NRG3: variants seen among roughly 807,000 people sequenced by gnomAD.
NRG3 encodes the protein pro-neuregulin-3, membrane-bound isoform.
NRG3 carries 31 observed loss-of-function variants against 66.9 expected under a neutral mutation model. That is an observed-to-expected ratio of 0.46 (90% CI 0.35 to 0.63). The LOEUF (loss-of-function observed/expected upper bound fraction) is 0.63. NRG3 is among the 20% of genes least tolerant of loss of function. The probability of loss-of-function intolerance (pLI) is 0.00; values close to 1 mark genes in which losing one functional copy is unlikely to be tolerated. For synonymous variants in NRG3, 393 were observed against 359.4 expected (o/e 1.09, Z -1.06); for missense variants, 910 against 878.9 (o/e 1.04, Z -0.45).
Position 81,975,840 on chromosome 10 carries a change from A to G in NRG3, c.823+99677A>G, listed in dbSNP as rs1339597066. 2.6e-5 allele frequency among the ~76,000 whole-genome samples: 4 copies of G among 152,160 alleles called. No individual in the cohort carries two copies. In the East Asian group the frequency reaches 5.8e-4, roughly 22 times the overall value. ...ATCTTGCATTATCCAAGTGCTCCCA[A>G]TATAATCACAAGGGTCTTTTAAATG... is the stretch of plus-strand genomic sequence containing the variant. On this transcript the variant is annotated intron_variant, in intron 1 of 8. Transcript: ENST00000372141.
At chr10:82,152,303 G>A (rs2070813293) in intron 1 of NRG3, among the ~76,000 whole-genome samples, 1 of 152,172 alleles carries the variant, frequency 6.6e-6, no homozygotes, top group Admixed American at 6.6e-5. Context: ...TGTAAGTTAG[G>A]ATCTGCTTTG....
chr10:82,437,619 G>C (rs2090211225), intron 2 of NRG3, among the ~76,000 whole-genome samples: 1 of 151,960 alleles, frequency 6.6e-6, no homozygotes, highest in Non-Finnish European at 1.5e-5. Flanking sequence ...GAGACACTTT[G>C]GCCTTTTGGG....
chr10:81,904,700 A>G (rs1004128341), intron 1 of NRG3, among the ~76,000 whole-genome samples: 5 of 152,044 alleles, frequency 3.3e-5, no homozygotes, highest in African/African-American at 7.2e-5. Context: ...TTTTGTTTCT[A>G]TGGCAGGGTT....
chr10:82,085,593 A>G (rs746887621), intron 1 of NRG3, among the ~76,000 whole-genome samples: 3 of 152,028 alleles, frequency 2.0e-5, no homozygotes, highest in Non-Finnish European at 2.9e-5. Flanking sequence ...CCCTTCTTTG[A>G]AAACCAGCCT....
chr10:81,923,042 G>A (rs905625462), intron 1 of NRG3, among the ~76,000 whole-genome samples: 12 of 152,276 alleles, frequency 7.9e-5, no homozygotes, highest in African/African-American at 2.9e-4. Flanking sequence ...AATGCCTCTA[G>A]TAATTTTGGT....
chr10:82,674,294 A>T (rs893562952), intron 2 of NRG3, among the ~76,000 whole-genome samples: 1 of 152,172 alleles, frequency 6.6e-6, no homozygotes. Flanking sequence ...GCATGTTACT[A>T]CATAAACTTT....
At chr10:81,958,638 C>T (rs1346565179) in intron 1 of NRG3, among the ~76,000 whole-genome samples, 1 of 152,180 alleles carries the variant, frequency 6.6e-6, no homozygotes, top group Non-Finnish European at 1.5e-5. Flanking sequence ...CATGGTGGCT[C>T]ATGCCTGTAA....
intron 1 of NRG3, among the ~76,000 whole-genome samples, chr10:82,079,513 G>T (rs540416689): frequency 3.3e-5 from 5 of 152,036 alleles, no homozygotes; most frequent in Admixed American, 6.5e-5. Flanking sequence ...TGACATTAGG[G>T]TTCACTCTAG....
intron 1 of NRG3, among the ~76,000 whole-genome samples, chr10:81,957,883 T>C (rs1313109981): frequency 2.6e-5 from 4 of 152,230 alleles, no homozygotes; most frequent in Non-Finnish European, 5.9e-5. Context: ...TAAATTAATA[T>C]TTGTTCTTAT....
At chr10:82,590,538 G>A (rs532721384) in intron 2 of NRG3, among the ~76,000 whole-genome samples, 4 of 152,066 alleles carry the variant, frequency 2.6e-5, no homozygotes, top group East Asian at 1.9e-4. Flanking sequence ...CTTCTACCAC[G>A]GGCTTGTTAG....
chr10:82,905,101 G>A (rs1372305949), intron 4 of NRG3, among the ~76,000 whole-genome samples: 2 of 152,162 alleles, frequency 1.3e-5, no homozygotes, highest in Non-Finnish European at 2.9e-5. Context: ...TTTTAAAAAG[G>A]AAGTTTGGTT....
chr10:82,829,042 T>G (rs1466798394), intron 3 of NRG3, among the ~76,000 whole-genome samples: 1 of 152,186 alleles, frequency 6.6e-6, no homozygotes, highest in Non-Finnish European at 1.5e-5. Flanking sequence ...GTTTGTTTGT[T>G]TGACAGCCTG....
intron 2 of NRG3, among the ~76,000 whole-genome samples, chr10:82,669,358 C>T (rs1272759399): frequency 6.6e-6 from 1 of 151,616 alleles, no homozygotes. Context: ...TGCTTTGGGG[C>T]AATGCGCAGT....
chr10:82,825,959 G>T (rs562129911), intron 3 of NRG3, among the ~76,000 whole-genome samples: 69 of 152,250 alleles, frequency 4.5e-4, no homozygotes, highest in Admixed American at 4.4e-3. Context: ...AGCGTACATT[G>T]TGTGTCTAGA....
chr10:82,376,198 G>T (rs191713291), intron 2 of NRG3, among the ~76,000 whole-genome samples: 1 of 152,128 alleles, frequency 6.6e-6, no homozygotes, highest in Non-Finnish European at 1.5e-5. Context: ...GCTTTACACC[G>T]GAGCTCTTCC....
intron 1 of NRG3, among the ~76,000 whole-genome samples, chr10:82,284,611 A>G (rs2079310951): frequency 6.6e-6 from 1 of 152,176 alleles, no homozygotes; most frequent in African/African-American, 2.4e-5. Flanking sequence ...GATTTCTTTA[A>G]TAACTTTCTG....
At chr10:82,127,360 A>G (rs1350101448) in intron 1 of NRG3, among the ~76,000 whole-genome samples, 2 of 152,114 alleles carry the variant, frequency 1.3e-5, no homozygotes, top group Non-Finnish European at 1.5e-5. Context: ...CTCTACCTGC[A>G]TGAAAAGTTT....
intron 1 of NRG3, chr10:82,228,893 G>A (rs960171715): frequency 1.3e-5 from 2 of 152,292 alleles, no homozygotes; most frequent in South Asian, 2.1e-4. Flanking sequence ...CAACTGGAGG[G>A]TCGGAGGCTG....
At chr10:82,632,458 A>G (rs990472221) in intron 2 of NRG3, among the ~76,000 whole-genome samples, 2 of 152,030 alleles carry the variant, frequency 1.3e-5, no homozygotes, top group African/African-American at 4.8e-5. Context: ...TTACACTTTC[A>G]GCTACTGCAA....
Sources: gnomAD v4.1 joint callset for allele counts (sites outside exome capture counted in the v4.1 genomes callset) on GRCh38, gnomAD v4.1.1 for gene constraint, MANE v1.5 for transcripts, NCBI Gene and HGNC (gene_info 2026-07-23, HGNC 2026-07-21) for gene names.